Variants in RORA observed in about 807,000 individuals in gnomAD.
RORA encodes the protein RAR related orphan receptor A.
In RORA, 7 loss-of-function variants were observed where a neutral mutation model predicts 69.5. The observed-to-expected ratio is 0.10, with a 90% confidence interval of 0.06 to 0.19. The LOEUF is 0.19. Among genes scored for constraint, RORA ranks in the 10% least tolerant of loss-of-function variants. RORA has a pLI of 1.00. For missense variants in RORA, 457 were observed against 663.0 expected (o/e 0.69, Z 3.41); for synonymous variants, 261 against 240.8 (o/e 1.08, Z -0.78).
intron 1 of RORA, among the ~76,000 whole-genome samples, chr15:60,837,470 C>T (rs1449615147): frequency 6.6e-6 from 1 of 152,198 alleles, no homozygotes; most frequent in Non-Finnish European, 1.5e-5. Context: ...CCAACCTCAC[C>T]CCTCCTTGCA....
intron 2 of RORA, among the ~76,000 whole-genome samples, chr15:60,552,315 T>C (rs1264928305): frequency 1.3e-5 from 2 of 152,168 alleles, no homozygotes; most frequent in African/African-American, 2.4e-5. Context: ...TTCTTAATAT[T>C]TGTCCTAGGG....
chr15:60,696,792 A>C (rs999449), intron 1 of RORA, among the ~76,000 whole-genome samples: 110,811 of 152,110 alleles, frequency 0.73, 41,282 homozygotes, highest in Admixed American at 0.85. Context: ...AGTGTTCTGA[A>C]ATGACTAAAT....
chr15:60,645,816 A>T (rs1305794071), intron 2 of RORA, among the ~76,000 whole-genome samples: 254 of 143,152 alleles, frequency 1.8e-3, no homozygotes, highest in African/African-American at 6.9e-3. Flanking sequence ...TTTTTTTAAA[A>T]AATTAAGGGG....
At chr15:60,851,706 A>ATGTGTG (rs140422098) in intron 1 of RORA, among the ~76,000 whole-genome samples, 3 of 150,704 alleles carry the variant, frequency 2.0e-5, no homozygotes, top group East Asian at 1.9e-4. Flanking sequence ...GCAATATTAT[A>ATGTGTG]TGTGTGTGTG....
intron 8 of RORA, among the ~76,000 whole-genome samples, chr15:60,501,534 C>T (rs1218434607): frequency 6.6e-6 from 1 of 152,102 alleles, no homozygotes; most frequent in Non-Finnish European, 1.5e-5. Context: ...GAAAGTACAG[C>T]CTAAGAAGAA....
intron 1 of RORA, among the ~76,000 whole-genome samples, chr15:61,105,359 AGT>A (rs910020995): frequency 5.3e-5 from 8 of 152,198 alleles, no homozygotes; most frequent in African/African-American, 1.7e-4. Context: ...ATACTCACTA[AGT>A]GTGTTTAATT....
At chr15:60,922,812 T>C (rs1260206317) in intron 1 of RORA, among the ~76,000 whole-genome samples, 10 of 152,240 alleles carry the variant, frequency 6.6e-5, no homozygotes, top group Non-Finnish European at 1.2e-4. Flanking sequence ...TTTAGAACCA[T>C]GGATGGTTGC....
rs114410638 is a variant in RORA at position 60,975,251 on chromosome 15, A to G, written c.166+253802T>C. Among the ~76,000 whole-genome samples, 1,088 of 152,264 alleles carry G rather than the reference A, an allele frequency of 7.1e-3. 18 individuals are homozygous for G. The highest frequency in any genetic ancestry group is 0.025 in the African/African-American group (1,041 of 41,544). On this transcript the variant is annotated intron_variant, in intron 1 of 10. Transcript: ENST00000335670. ...GCAGGGAGTAATGGGGGCCTAAACAATTTCAATCCGTCATAACATACATTG... is the reference window on the plus strand; with the variant it reads ...GCAGGGAGTAATGGGGGCCTAAACAGTTTCAATCCGTCATAACATACATTG...
intron 1 of RORA, among the ~76,000 whole-genome samples, chr15:61,081,797 G>A (rs2078545220): frequency 7.2e-6 from 1 of 139,642 alleles, no homozygotes; most frequent in African/African-American, 2.7e-5. Context: ...AACAGAGCAA[G>A]ACTCTGTCTC....
In RORA at chr15:60,768,342, G is replaced by T. The variant is rs142232476; in HGVS notation, c.167-89656C>A. On this transcript the variant is annotated intron_variant, in intron 1 of 10. Transcript: ENST00000335670. Reference sequence around the variant, plus strand: ...ATATGTGCACTGTGGGATCGTGATGGGGCTGTAAAGTTAATCAAGAAAGAA... The same window carrying T: ...ATATGTGCACTGTGGGATCGTGATGTGGCTGTAAAGTTAATCAAGAAAGAA... Among the ~76,000 whole-genome samples, 95 of 152,286 alleles carry T rather than the reference G, an allele frequency of 6.2e-4. 1 individual carries two copies. The highest frequency in any genetic ancestry group is 5.6e-3 in the Admixed American group (86 of 15,302).
intron 1 of RORA, among the ~76,000 whole-genome samples, chr15:60,773,989 T>C (rs1441291992): frequency 6.6e-6 from 1 of 152,240 alleles, no homozygotes; most frequent in Non-Finnish European, 1.5e-5. Context: ...ATGCTAATTG[T>C]TCATGCAATT....
intron 1 of RORA, among the ~76,000 whole-genome samples, chr15:60,703,900 A>C (rs1401493235): frequency 1.3e-5 from 2 of 151,980 alleles, no homozygotes; most frequent in Non-Finnish European, 2.9e-5. Context: ...AAGGGAAGGA[A>C]GAAGGTCTAG....
intron 1 of RORA, among the ~76,000 whole-genome samples, chr15:61,221,358 A>G (rs1285684810): frequency 6.6e-6 from 1 of 152,146 alleles, no homozygotes; most frequent in Non-Finnish European, 1.5e-5. Flanking sequence ...GTAGATTCAA[A>G]CGATGGTCCC....
At chr15:60,596,385 A>G (rs2068666638) in intron 2 of RORA, among the ~76,000 whole-genome samples, 1 of 152,110 alleles carries the variant, frequency 6.6e-6, no homozygotes, top group Admixed American at 6.6e-5. Flanking sequence ...TGAAAGGTTA[A>G]TGTGGTCCTA....
chr15:60,996,708 A>G (rs921243774), intron 1 of RORA, among the ~76,000 whole-genome samples: 2 of 152,230 alleles, frequency 1.3e-5, no homozygotes, highest in South Asian at 4.2e-4. Flanking sequence ...CAGGAGATCG[A>G]GACCATCCTG....
intron 1 of RORA, among the ~76,000 whole-genome samples, chr15:60,708,794 G>T (rs2071103858): frequency 6.6e-6 from 1 of 152,196 alleles, no homozygotes; most frequent in Non-Finnish European, 1.5e-5. Context: ...GCTCAGGCTT[G>T]TTTATGCAGT....
At chr15:61,111,440 T>C (rs1041817224) in intron 1 of RORA, among the ~76,000 whole-genome samples, 1 of 152,228 alleles carries the variant, frequency 6.6e-6, no homozygotes, top group Non-Finnish European at 1.5e-5. Context: ...TGGTGACTGA[T>C]GGCAACACTA....
chr15:60,988,627 C>T (rs1027415575), intron 1 of RORA, among the ~76,000 whole-genome samples: 1 of 152,216 alleles, frequency 6.6e-6, no homozygotes, highest in African/African-American at 2.4e-5. Context: ...GCTTCCTTGG[C>T]AAATACCTGC....
chr15:61,059,986 G>GA (rs1345557719), intron 1 of RORA, among the ~76,000 whole-genome samples: 4,225 of 109,704 alleles, frequency 0.039, 120 homozygotes, highest in African/African-American at 0.1. Context: ...GGAAGAGGAA[G>GA]AGGAAGAAGA....
Sources: gnomAD v4.1 joint callset for allele counts (sites outside exome capture counted in the v4.1 genomes callset) on GRCh38, gnomAD v4.1.1 for gene constraint, MANE v1.5 for transcripts, NCBI Gene and HGNC (gene_info 2026-07-23, HGNC 2026-07-21) for gene names.